Variants in SLC25A5 observed in about 807,000 individuals in gnomAD.
SLC25A5 encodes the protein solute carrier family 25 member 5.
Under a neutral mutation model 16.5 loss-of-function variants are expected in SLC25A5, and 4 were observed. That is an observed-to-expected ratio of 0.24 (90% CI 0.12 to 0.56). The LOEUF is 0.56. Among genes scored for constraint, SLC25A5 ranks in the 20% least tolerant of loss-of-function variants. SLC25A5 has a pLI of 0.93. For synonymous variants in SLC25A5, 60 were observed against 95.2 expected (o/e 0.63, Z 2.15); for missense variants, 88 against 248.0 (o/e 0.35, Z 4.33).
chrX:119,468,951 CGGCG>C (rs1247514661), intron 1 of SLC25A5: 1 of 252,480 alleles, frequency 4.0e-6, no homozygotes, highest in Non-Finnish European at 7.1e-6. Flanking sequence ...GGCCGAAAGC[CGGCG>C]TTAGAAAGAG....
At chrX:119,470,606 C>T (rs1293894685) in intron 3 of SLC25A5, 93 bp downstream of exon 3, 1 of 1,033,716 alleles carries the variant, frequency 9.7e-7, no homozygotes, top group Admixed American at 2.5e-5. Context: ...GGCTGTCTGT[C>T]CAAGTCAAGG....
chrX:119,468,704 G>A (rs975531661), intron 1 of SLC25A5, 78 bp downstream of exon 1: 15 of 850,528 alleles, frequency 1.8e-5, no homozygotes, highest in Admixed American at 2.7e-5. Flanking sequence ...GAGGGGTGGC[G>A]GGGAGCGAAC....
At chrX:119,468,799 C>T (rs2052804594) in intron 1 of SLC25A5, 173 bp downstream of exon 1, 4 of 449,975 alleles carry the variant, frequency 8.9e-6, no homozygotes, top group Non-Finnish European at 1.6e-5. Flanking sequence ...GTGGGAGGCG[C>T]CTTTAGTGAC....
chrX:119,470,940 A>G lies in SLC25A5; in HGVS notation c.779A>G (p.Lys260Arg), dbSNP rs1812705939. The G allele has an allele frequency of 8.2e-7, 1 of 1,212,330 alleles. No homozygotes were observed. Among genetic ancestry groups the G allele is most frequent in the Non-Finnish European group, 1.1e-6 (1 of 895,363 alleles). ...MYTGTLDCWRKIARDEGGKAF... is the reference protein window; with the variant it reads ...MYTGTLDCWRRIARDEGGKAF... The stretch of plus-strand genomic sequence containing the variant: ...ACAGGCACGCTTGACTGCTGGCGGA[A>G]GATTGCTCGTGATGAAGGAGGCAAA... Residue 260 changes from lysine (K) to arginine (R), a missense_variant, in exon 4 of 4, where the codon AAG (lysine) becomes AGG (arginine). Transcript: ENST00000317881.
At position 119,470,171 on chromosome X, in the gene SLC25A5, G is replaced by A. The variant is rs376026139; in HGVS notation, c.598+24G>A. On this transcript the variant is annotated intron_variant, in intron 2 of 3. Coordinates refer to ENST00000317881, the MANE Select transcript of SLC25A5 (RefSeq NM_001152.5). ...GGGTAAGTTTGCTGTGGGCTTTAAC[G>A]TTGTGTTCTTAGGAGACAGTTTAAA... 3.0e-5 allele frequency: 35 copies of A among 1,160,844 alleles called. 1 individual carries two copies. The Middle Eastern group carries it at 4.8e-3, about 159-fold the overall frequency.
chrX:119,469,478 G>C, intron 1 of SLC25A5, 183 bp from the exon 2 acceptor site: 1 of 490,515 alleles, frequency 2.0e-6, no homozygotes, highest in South Asian at 3.5e-5. Flanking sequence ...TACTGGTGCA[G>C]ATCACCTCTT....
chrX:119,468,453 G>A lies in SLC25A5; in HGVS notation c.-63G>A. 1 of 1,008,194 alleles carries A rather than the reference G, an allele frequency of 9.9e-7. No individual in the cohort carries two copies. The highest frequency in any genetic ancestry group is 1.4e-6 in the Non-Finnish European group (1 of 719,401). 83.1% of individuals were successfully genotyped at this position (1,008,194 alleles called of 1,213,427 possible). On this transcript the variant is annotated 5_prime_UTR_variant, in exon 1 of 4. Transcript: ENST00000317881. ...CATTTGCTTCGCTCCGCCCCGCAGC[G>A]CCGGAGTCAAAGCCGGTTCCCGGCC... is the stretch of plus-strand genomic sequence containing the variant.
intron 1 of SLC25A5, chrX:119,469,010 T>G: frequency 7.1e-6 from 1 of 140,252 alleles, no homozygotes; most frequent in Non-Finnish European, 1.4e-5. Context: ...GGCAAGGAGA[T>G]AACTGCCCGG....
chrX:119,470,827 T>A, intron 3 of SLC25A5, 74 bp from the exon 4 acceptor site: 1 of 1,099,911 alleles, frequency 9.1e-7, no homozygotes. Context: ...GGGGCTCTGC[T>A]TTATTTAGCC....
chrX:119,468,700 T>G, intron 1 of SLC25A5, 74 bp downstream of exon 1: 16 of 820,016 alleles, frequency 2.0e-5, no homozygotes, highest in Non-Finnish European at 2.6e-5. Context: ...GCCCGAGGGG[T>G]GGCGGGGAGC....
chrX:119,468,800 C>T, intron 1 of SLC25A5, 174 bp downstream of exon 1: 2 of 450,454 alleles, frequency 4.4e-6, no homozygotes, highest in Non-Finnish European at 3.9e-6. Context: ...TGGGAGGCGC[C>T]TTTAGTGACC....
intron 3 of SLC25A5, 51 bp from the exon 4 acceptor site, chrX:119,470,850 G>A (rs746239133): frequency 2.6e-6 from 3 of 1,164,406 alleles, no homozygotes; most frequent in Non-Finnish European, 3.5e-6. Context: ...GTGAATCTTA[G>A]GATTTTTCAT....
intron 3 of SLC25A5, 32 bp from the exon 4 acceptor site, chrX:119,470,869 A>G (rs1217131767): frequency 8.4e-7 from 1 of 1,185,688 alleles, no homozygotes; most frequent in Non-Finnish European, 1.1e-6. Flanking sequence ...ATCGGCCTTC[A>G]GTCACTAACT....
chrX:119,470,859 A>T, intron 3 of SLC25A5, 42 bp from the exon 4 acceptor site: 1 of 1,173,673 alleles, frequency 8.5e-7, no homozygotes, highest in Non-Finnish European at 1.1e-6. Context: ...AGGATTTTTC[A>T]TCGGCCTTCA....
In SLC25A5 at chrX:119,469,703, A is replaced by G; in HGVS notation, c.154A>G (p.Lys52Glu). ...GCAGATCACTGCAGATAAGCAATAC[A>G]AAGGCATTATAGACTGCGTGGTCCG... The part of the protein sequence containing the change: ...SKQITADKQY[K>E]GIIDCVVRIP... Residue 52 changes from lysine (K) to glutamate (E), a missense_variant, in exon 2 of 4, where the codon AAA (lysine) becomes GAA (glutamate). Transcript: ENST00000317881. 1 of 1,210,298 alleles carries G rather than the reference A, an allele frequency of 8.3e-7. No individual in the cohort carries two copies. The highest frequency in any genetic ancestry group is 1.8e-5 in the South Asian group (1 of 56,674).
intron 1 of SLC25A5, chrX:119,469,456 G>A (rs2052812447): frequency 7.0e-6 from 3 of 426,783 alleles, no homozygotes; most frequent in Non-Finnish European, 8.0e-6. Context: ...CAGAGGGGTG[G>A]AGGCTTAATG....
intron 3 of SLC25A5, among the ~76,000 whole-genome samples, 171 bp downstream of exon 3, chrX:119,470,684 A>G (rs2052826290): frequency 8.9e-6 from 1 of 112,079 alleles, no homozygotes; most frequent in African/African-American, 3.2e-5. Context: ...ATGCCTATGA[A>G]TGAGGGTGCT....
rs145756112 is a variant in SLC25A5, at chrX:119,469,522, C to T, written c.112-139C>T. The T allele has an allele frequency of 2.0e-4, 145 of 724,689 alleles. No homozygotes were observed. The East Asian group carries it at 3.0e-3, about 15-fold the overall frequency. 59.7% of individuals were successfully genotyped at this position (724,689 alleles called of 1,213,427 possible). ...ACAGCCTCAGAGGGTTGGGAGGGTC[C>T]AGCCAGTATGATATACGAAGACTAG... On this transcript the variant is annotated intron_variant, in intron 1 of 3. Transcript: ENST00000317881.
rs1351325447 is a variant in SLC25A5, at chrX:119,468,476, G to GCCCAGT, written c.-36_-31dup. 1 of 1,136,003 alleles carries GCCCAGT rather than the reference G, an allele frequency of 8.8e-7. No homozygotes were observed. Among genetic ancestry groups the GCCCAGT allele is most frequent in the African/African-American group, 1.8e-5 (1 of 56,693 alleles). The allele number at this position is 1,136,003 out of a possible 1,213,427, so 93.6% of individuals were successfully genotyped here. ...GCGCCGGAGTCAAAGCCGGTTCCCGGCCCAGTCCCGTCCTGCAGCAGTCTG... is the reference window on the plus strand; with the variant it reads ...GCGCCGGAGTCAAAGCCGGTTCCCGGCCCAGTCCCAGTCCCGTCCTGCAGCAGTCTG... On this transcript the variant is annotated 5_prime_UTR_variant, in exon 1 of 4. Transcript: ENST00000317881.
Sources: gnomAD v4.1 joint callset for allele counts (sites outside exome capture counted in the v4.1 genomes callset) on GRCh38, gnomAD v4.1.1 for gene constraint, MANE v1.5 for transcripts, NCBI Gene and HGNC (gene_info 2026-07-23, HGNC 2026-07-21) for gene names.